RP1L1: variants seen among roughly 807,000 people sequenced by gnomAD.
RP1L1 encodes retinitis pigmentosa 1-like 1 protein.
A neutral mutation model predicts 15.7 loss-of-function variants in RP1L1; 27 were observed. That is an observed-to-expected ratio of 1.72 (90% CI 1.27 to 2.38). RP1L1 has a LOEUF of 2.38. Ranked by LOEUF, RP1L1 falls within the 30% of genes most tolerant of loss-of-function variation. RP1L1 has a pLI of 0.00. For synonymous variants in RP1L1, 1,813 were observed against 1,276.7 expected (o/e 1.42, Z -8.96); for missense variants, 4,798 against 3,075.9 (o/e 1.56, Z -13.24).
At position 10,637,868 on chromosome 8, in the gene RP1L1, A is replaced by G. The variant is rs572879782; in HGVS notation, c.-19-14648T>C. On this transcript the variant is annotated intron_variant, in intron 1 of 3. Transcript: ENST00000382483. ...GCTCAGAGATCTGAAAGGAAACACA[A>G]ACTCCAGGGGTGGGGGGATTTTCAG... 9.2e-5 allele frequency among the ~76,000 whole-genome samples: 14 copies of G among 152,306 alleles called. 1 individual carries two copies. Among genetic ancestry groups the G allele is most frequent in the African/African-American group, 3.4e-4 (14 of 41,576 alleles).
In RP1L1 at chr8:10,623,010, G is replaced by T. The variant is rs372270166; in HGVS notation, c.192C>A (p.Leu64=). 24 of 1,614,150 alleles carry T rather than the reference G, an allele frequency of 1.5e-5. No homozygotes were observed. In the African/African-American group the frequency reaches 2.7e-4, roughly 18 times the overall value. The change falls in exon 2 of 4, where the codon CTC becomes CTA. Residue 64 remains leucine, a synonymous_variant. Transcript: ENST00000382483. ...HQRAFKTFSA[L]MDELSQRVPL... ...GCACGCGCTGGGAGAGCTCGTCCAT[G>T]AGGGCGCTGAAGGTCTTAAAGGCGC...
At chr8:10,614,944 C>T (rs1266843535) in intron 3 of RP1L1, among the ~76,000 whole-genome samples, 1 of 151,574 alleles carries the variant, frequency 6.6e-6, no homozygotes, top group Non-Finnish European at 1.5e-5. Flanking sequence ...TAAATAAAAA[C>T]AAATTCCATC....
intron 1 of RP1L1, among the ~76,000 whole-genome samples, chr8:10,642,428 G>A (rs1798420481): frequency 6.6e-6 from 1 of 152,156 alleles, no homozygotes; most frequent in Non-Finnish European, 1.5e-5. Context: ...TTCCCCCCTT[G>A]CTCCTTGCTT....
chr8:10,650,281 C>T (rs974123265), intron 1 of RP1L1, among the ~76,000 whole-genome samples: 1 of 152,232 alleles, frequency 6.6e-6, no homozygotes, highest in East Asian at 1.9e-4. Context: ...GAAAACAAAC[C>T]CCACATTCTT....
chr8:10,631,391 A>G (rs1356440680), intron 1 of RP1L1, among the ~76,000 whole-genome samples: 1 of 139,678 alleles, frequency 7.2e-6, no homozygotes, highest in Non-Finnish European at 1.6e-5. Flanking sequence ...ACACATGCAC[A>G]CACACGCACA....
rs780881027 is a variant in RP1L1 at position 10,607,073 on chromosome 8, C to G, written c.7025G>C (p.Arg2342Thr). The G allele has an allele frequency of 9.9e-6, 16 of 1,614,088 alleles. No homozygotes were observed. Among genetic ancestry groups the G allele is most frequent in the African/African-American group, 1.3e-5 (1 of 74,930 alleles). Residue 2342 changes from arginine to threonine, a missense_variant, in exon 4 of 4, where the codon AGG becomes ACG. Coordinates refer to ENST00000382483, the MANE Select transcript of RP1L1 (RefSeq NM_178857.6). ...AGAAGTAGAACTTTCTGGGTACATC[C>G]TGGTGGCCTTCCTCTCTGCATGAGG... ...GTPHAERKAT[R>T]MYPESSTSEQ...
chr8:10,614,622 C>T (rs1202410091), intron 3 of RP1L1, among the ~76,000 whole-genome samples: 2 of 135,828 alleles, frequency 1.5e-5, no homozygotes, highest in African/African-American at 5.5e-5. Context: ...GATCGCATCA[C>T]TGCACTCCAG....
chr8:10,607,690 C>T lies in RP1L1; in HGVS notation c.6408G>A (p.Glu2136=), dbSNP rs370038678. The change falls in exon 4 of 4, where the codon GAG becomes GAA. Residue 2136 remains glutamate, a synonymous_variant. Coordinates refer to ENST00000382483, the MANE Select transcript of RP1L1 (RefSeq NM_178857.6). The part of the protein sequence containing the change: ...QPESEGIEAP[E]AEGEAQPESE... ...ACTCAGGCTGGGCCTCCCCTTCAGC[C>T]TCTGGGGCCTCTATACCTTCTGACT... The T allele has an allele frequency of 3.1e-6, 5 of 1,600,340 alleles. No homozygotes were observed. Among genetic ancestry groups the T allele is most frequent in the Middle Eastern group, 1.7e-4 (1 of 6,010 alleles).
intron 2 of RP1L1, among the ~76,000 whole-genome samples, chr8:10,618,529 A>C (rs549479072): frequency 2.6e-5 from 4 of 152,014 alleles, no homozygotes; most frequent in South Asian, 2.1e-4. Context: ...CAAACAAACA[A>C]ACAAACAAAA....
chr8:10,651,183 T>C (rs1401513727), intron 1 of RP1L1, among the ~76,000 whole-genome samples: 3 of 152,336 alleles, frequency 2.0e-5, no homozygotes, highest in East Asian at 1.9e-4. Flanking sequence ...TCTCACAGTG[T>C]AGGTCTTGGG....
intron 1 of RP1L1, among the ~76,000 whole-genome samples, chr8:10,631,299 A>T (rs1222461308): frequency 1.5e-5 from 2 of 133,440 alleles, no homozygotes; most frequent in Non-Finnish European, 3.3e-5. Flanking sequence ...GCACACAAAC[A>T]CGCATGCACA....
At position 10,609,592 on chromosome 8, in the gene RP1L1, C is replaced by G. The variant is rs374830153; in HGVS notation, c.4506G>C (p.Arg1502Ser). The change falls in exon 4 of 4, where the codon AGG becomes AGC. Residue 1502 changes from arginine to serine, a missense_variant. Physicochemically the swap from Arg to Ser is moderately radical, Grantham distance 110. Coordinates refer to ENST00000382483, the MANE Select transcript of RP1L1 (RefSeq NM_178857.6). ...CCGCGCTGCAGGCCACCGAAGAGCT[C>G]CTCTCTGCAGCCCCCTGGGTGGGTT... is the stretch of plus-strand genomic sequence containing the variant. ...QAQPTQGAAERSSSVACSAAL... is the reference protein window; with the variant it reads ...QAQPTQGAAESSSSVACSAAL... 5 of 1,605,496 alleles carry G rather than the reference C, an allele frequency of 3.1e-6. No individual in the cohort carries two copies. In the African/African-American group the frequency reaches 4.0e-5, roughly 13 times the overall value.
chr8:10,609,505 C>A lies in RP1L1; in HGVS notation c.4593G>T (p.Leu1531=). The change falls in exon 4 of 4, where the codon CTG becomes CTT. Residue 1531 remains leucine (L), a synonymous_variant. Transcript: ENST00000382483. ...VLLKKTEKAF[L]AHLASAVAEL... ...CAGCCACCGCACTGGCAAGGTGGGC[C>A]AGGAAGGCCTTCTCCGTCTTCTTCA... 6.2e-7 allele frequency: 1 copy of A among 1,610,102 alleles called. No homozygotes were observed. Among genetic ancestry groups the A allele is most frequent in the Non-Finnish European group, 8.5e-7 (1 of 1,178,878 alleles).
intron 1 of RP1L1, among the ~76,000 whole-genome samples, chr8:10,646,909 T>C (rs1483300967): frequency 2.0e-5 from 3 of 152,210 alleles, no homozygotes; most frequent in Admixed American, 2.0e-4. Flanking sequence ...TTGCAGTCAC[T>C]TTTCTCAAAT....
intron 1 of RP1L1, among the ~76,000 whole-genome samples, chr8:10,628,565 A>T (rs1798192865): frequency 6.6e-6 from 1 of 152,186 alleles, no homozygotes; most frequent in Admixed American, 6.5e-5. Context: ...GGAGAGGAGA[A>T]ACAACAGAGA....
At chr8:10,615,353 C>A (rs1021219735) in intron 3 of RP1L1, among the ~76,000 whole-genome samples, 1 of 152,218 alleles carries the variant, frequency 6.6e-6, no homozygotes, top group Non-Finnish European at 1.5e-5. Context: ...ATAGTCCAGA[C>A]TGTGGCTCTT....
rs76273013 is a variant in RP1L1, at chr8:10,646,646, C to T, written c.-20+8252G>A. Among the ~76,000 whole-genome samples the T allele has an allele frequency of 2.2e-3, 340 of 152,212 alleles. 8 individuals carry two copies. In the East Asian group the frequency reaches 0.059, roughly 26 times the overall value. ...TGGACGGAGGGGACCGAGCCAGCCC[C>T]TCTAAAGTCCAGGGCCTAGGAAGGG... On this transcript the variant is annotated intron_variant, in intron 1 of 3. Transcript: ENST00000382483.
chr8:10,644,915 C>T (rs1375986515), intron 1 of RP1L1, among the ~76,000 whole-genome samples: 1 of 152,232 alleles, frequency 6.6e-6, no homozygotes, highest in Non-Finnish European at 1.5e-5. Context: ...AATTCAGTCA[C>T]GTGATTTACT....
Position 10,606,891 on chromosome 8 carries a change from T to G in RP1L1, c.*4A>C. 6.2e-7 allele frequency: 1 copy of G among 1,614,176 alleles called. No homozygotes were observed. Among genetic ancestry groups the G allele is most frequent in the Non-Finnish European group, 8.5e-7 (1 of 1,180,016 alleles). Reference sequence around the variant, plus strand: ...CTCGTGATTGTTTTCTAGCTTGATCTTGTCTAGAAATCTAAGTCATCTTGG... The same window carrying G: ...CTCGTGATTGTTTTCTAGCTTGATCGTGTCTAGAAATCTAAGTCATCTTGG... On this transcript the variant is annotated 3_prime_UTR_variant, in exon 4 of 4. Coordinates refer to ENST00000382483, the MANE Select transcript of RP1L1 (RefSeq NM_178857.6).
Sources: gnomAD v4.1 joint callset for allele counts (sites outside exome capture counted in the v4.1 genomes callset) on GRCh38, gnomAD v4.1.1 for gene constraint, MANE v1.5 for transcripts, NCBI Gene and HGNC (gene_info 2026-07-23, HGNC 2026-07-21) for gene names.